The following CDK11A variants were observed in gnomAD, a reference collection of about 807,000 sequenced individuals.
CDK11A encodes cyclin-dependent kinase 11A.
Under a neutral mutation model 83.6 loss-of-function variants are expected in CDK11A, and 55 were observed. The observed-to-expected ratio is 0.66, with a 90% confidence interval of 0.53 to 0.82. The LOEUF (loss-of-function observed/expected upper bound fraction) is 0.82, where lower values mean the gene tolerates loss of function less well. Among genes scored for constraint, CDK11A ranks in the 40% least tolerant of loss-of-function variants. The pLI, the probability that CDK11A is intolerant of heterozygous loss-of-function variation, is 0.00. For synonymous variants in CDK11A, 247 were observed against 302.7 expected (o/e 0.82, Z 1.91); for missense variants, 564 against 810.1 (o/e 0.70, Z 3.69).
In CDK11A at chr1:1,719,327, C is replaced by T. The variant is rs748202839; in HGVS notation, c.355+1G>A. Reference sequence around the variant, plus strand: ...GTCAAAGAAAGTAAATGCTTCTGTACCCCCTTCTGCTGAATGGCTATGATG... The same window carrying T: ...GTCAAAGAAAGTAAATGCTTCTGTATCCCCTTCTGCTGAATGGCTATGATG... On this transcript the variant is annotated splice_donor_variant, in intron 4 of 19. Coordinates refer to ENST00000404249, the MANE Select transcript of CDK11A (RefSeq NM_024011.4). LOFTEE classifies it high-confidence loss of function. 2.0e-6 allele frequency: 3 copies of T among 1,512,212 alleles called. No individual in the cohort carries two copies. The highest frequency in any genetic ancestry group is 1.3e-5 in the South Asian group (1 of 76,052). 93.7% of individuals were successfully genotyped at this position (1,512,212 alleles called of 1,614,324 possible).
Position 1,704,988 on chromosome 1 carries a change from C to G in CDK11A, c.1374G>C (p.Lys458Asn). 1 of 1,598,798 alleles carries G rather than the reference C, an allele frequency of 6.3e-7. No homozygotes were observed. The highest frequency in any genetic ancestry group is 1.1e-5 in the South Asian group (1 of 89,514). ...IVALKRLKME[K>N]EKEGFPITSL... ...ACGTGATCGGGAAGCCCTCCTTCTC[C>G]TTCTCCATCTTCAGCCGCTTTAGAG... The change falls in exon 13 of 20, where the codon AAG (lysine) becomes AAC (asparagine). Residue 458 changes from lysine to asparagine, a missense_variant. Coordinates refer to ENST00000404249, the MANE Select transcript of CDK11A (RefSeq NM_024011.4).
chr1:1,718,703 A>C (rs1246746620), intron 4 of CDK11A, among the ~76,000 whole-genome samples: 1 of 145,086 alleles, frequency 6.9e-6, no homozygotes, highest in East Asian at 2.1e-4. Context: ...GTGGTGCGAT[A>C]GCGGCTCACT....
chr1:1,715,593 G>C (rs11485873), intron 5 of CDK11A, among the ~76,000 whole-genome samples: 5 of 148,924 alleles, frequency 3.4e-5, no homozygotes, highest in Admixed American at 2.7e-4. Context: ...CACACCCTTC[G>C]GCATCAACAA....
Position 1,703,834 on chromosome 1 carries a change from T to G in CDK11A, c.1901A>C (p.Lys634Thr). The change falls in exon 17 of 20, where the codon AAA becomes ACA. Residue 634 changes from lysine to threonine, a missense_variant. By Grantham distance (78) the Lys-to-Thr change is moderately conservative. This residue lies in a region of CDK11A where 361 missense variants were observed against 402.7 expected (regional missense o/e 0.90). Coordinates refer to ENST00000404249, the MANE Select transcript of CDK11A (RefSeq NM_024011.4). ...CAGGGCCAGACCCACCTTGAACACT[T>G]TGTTGATCTGATCGATTTCCGAATT... ...PGNSEIDQIN[K>T]VFKELGTPSE... The G allele has an allele frequency of 6.2e-7, 1 of 1,609,276 alleles. No individual in the cohort carries two copies. Among genetic ancestry groups the G allele is most frequent in the South Asian group, 1.1e-5 (1 of 90,626 alleles).
rs369868903 is a variant in CDK11A at position 1,718,226 on chromosome 1, T to C, written c.355+1102A>G. On this transcript the variant is annotated intron_variant, in intron 4 of 19. Coordinates refer to ENST00000404249, the MANE Select transcript of CDK11A (RefSeq NM_024011.4). ...GTATTCTCTCTATAGCCCTTCTGAA[T>C]GGTCTGTGACACACGCATGCTTTCA... Among the ~76,000 whole-genome samples the C allele has an allele frequency of 1.2e-3, 163 of 140,938 alleles. 4 individuals are homozygous for C. The South Asian group carries it at 0.018, about 16-fold the overall frequency. 92.5% of individuals were successfully genotyped at this position (140,938 alleles called of 152,430 possible). A position where few individuals can be genotyped will look rare whatever the true frequency, so the allele number is the denominator to read the frequency against.
chr1:1,704,916 A>T lies in CDK11A; in HGVS notation c.1446T>A (p.Ile482=), dbSNP rs1136999. The T allele has an allele frequency of 2.2e-5, 35 of 1,564,226 alleles. 4 individuals are homozygous for T. In the African/African-American group the frequency reaches 4.7e-4, roughly 21 times the overall value. The stretch of plus-strand genomic sequence containing the variant: ...GGGCCATGCTCACTCTAACGGTGAC[A>T]ATGTTGGGATGCTGGGCCTTGAGGA... ...NTILKAQHPN[I]VTVREIVVGS... is the part of the protein sequence containing the mutation. The change falls in exon 13 of 20, where the codon ATT becomes ATA. Residue 482 remains isoleucine (I), a synonymous_variant. Coordinates refer to ENST00000404249, the MANE Select transcript of CDK11A (RefSeq NM_024011.4).
chr1:1,719,469 CAA>C lies in CDK11A; in HGVS notation c.228-16_228-15del, dbSNP rs1193479481. Reference sequence around the variant, plus strand: ...TCTTCTTCTCCTCTGAAATAAAACACAACAGCACTGCGTCATGCTTGAGAAAG... The same window carrying C: ...TCTTCTTCTCCTCTGAAATAAAACACCAGCACTGCGTCATGCTTGAGAAAG... On this transcript the variant is annotated splice_polypyrimidine_tract_variant and intron_variant, in intron 3 of 19. Coordinates refer to ENST00000404249, the MANE Select transcript of CDK11A (RefSeq NM_024011.4). 4 of 1,473,086 alleles carry C rather than the reference CAA, an allele frequency of 2.7e-6. No homozygotes were observed. The highest frequency in any genetic ancestry group is 3.6e-6 in the Non-Finnish European group (4 of 1,112,656). The allele number at this position is 1,473,086 out of a possible 1,614,324, so 91.3% of individuals were successfully genotyped here.
chr1:1,704,670 T>C lies in CDK11A; in HGVS notation c.1459-15A>G, dbSNP rs774313592. The C allele has an allele frequency of 2.5e-6, 4 of 1,595,864 alleles. No individual in the cohort carries two copies. In the South Asian group the frequency reaches 4.5e-5, roughly 18 times the overall value. The stretch of plus-strand genomic sequence containing the variant: ...ACCACAATCTCCTGCAGGGCACGGC[T>C]CTGTGGGTGCTGGGCACCTCCAGGC... On this transcript the variant is annotated splice_polypyrimidine_tract_variant and intron_variant, in intron 13 of 19. Transcript: ENST00000404249.
chr1:1,704,606 T>G lies in CDK11A; in HGVS notation c.1508A>C (p.Tyr503Ser). Residue 503 changes from tyrosine to serine, a missense_variant, in exon 14 of 20, where the codon TAC becomes TCC. By Grantham distance (144) the Tyr-to-Ser change is moderately radical. Around this residue, in one of 5 missense-constraint regions of CDK11A, gnomAD observed 361 missense variants for 402.7 expected, o/e 0.90. Coordinates refer to ENST00000404249, the MANE Select transcript of CDK11A (RefSeq NM_024011.4). ...CAGGCTCTTGAGGTCGTGCTCCACG[T>G]AGTTCATCACGATGTAGATCTTGTC... ...NMDKIYIVMN[Y>S]VEHDLKSLME... is the part of the protein sequence containing the mutation. The G allele has an allele frequency of 6.2e-7, 1 of 1,600,180 alleles. No homozygotes were observed. The highest frequency in any genetic ancestry group is 1.7e-5 in the Admixed American group (1 of 58,690).
At chr1:1,722,179 C>G (rs924656784) in intron 2 of CDK11A, among the ~76,000 whole-genome samples, 1 of 151,016 alleles carries the variant, frequency 6.6e-6, no homozygotes, top group Non-Finnish European at 1.5e-5. Context: ...TGCTACAAAC[C>G]TTTAATTTGG....
At position 1,708,103 on chromosome 1, in the gene CDK11A, G is replaced by A. The variant is rs914508676; in HGVS notation, c.1069+77C>T. On this transcript the variant is annotated intron_variant, in intron 10 of 19. Coordinates refer to ENST00000404249, the MANE Select transcript of CDK11A (RefSeq NM_024011.4). ...CCCTGGCGTGCCCCACGCCGCGCAGGACCGGCTGTCTTAGGAGAGGGCTGC... is the reference window on the plus strand; with the variant it reads ...CCCTGGCGTGCCCCACGCCGCGCAGAACCGGCTGTCTTAGGAGAGGGCTGC... 1.1e-5 allele frequency: 18 copies of A among 1,589,510 alleles called. 1 individual carries two copies. Among genetic ancestry groups the A allele is most frequent in the South Asian group, 2.3e-5 (2 of 88,394 alleles).
chr1:1,711,973 A>G (rs1200876079), intron 6 of CDK11A, among the ~76,000 whole-genome samples: 2 of 104,004 alleles, frequency 1.9e-5, no homozygotes, highest in African/African-American at 3.0e-5. Flanking sequence ...TACTAAAAAT[A>G]TAAAAAAATA....
rs1191473300 is a variant in CDK11A at position 1,702,480 on chromosome 1, CG to C, written c.*426del. Among the ~76,000 whole-genome samples the C allele has an allele frequency of 1.7e-5, 2 of 119,648 alleles. No individual in the cohort carries two copies. Among genetic ancestry groups the C allele is most frequent in the Non-Finnish European group, 3.8e-5 (2 of 53,176 alleles). 78.5% of individuals were successfully genotyped at this position (119,648 alleles called of 152,430 possible). ...ACAGCTGGGGCTGGGGGTTGGGGGC[CG>C]GGGGCCTGTGTGGACAGGGCTGGTC... is the stretch of plus-strand genomic sequence containing the variant. On this transcript the variant is annotated 3_prime_UTR_variant, in exon 20 of 20. Coordinates refer to ENST00000404249, the MANE Select transcript of CDK11A (RefSeq NM_024011.4).
At chr1:1,720,845 C>T (rs562843406) in intron 3 of CDK11A, among the ~76,000 whole-genome samples, 1 of 151,272 alleles carries the variant, frequency 6.6e-6, no homozygotes, top group Admixed American at 6.6e-5. Flanking sequence ...GTGTACACCA[C>T]CATGCCAGGC....
rs1486354095 is a variant in CDK11A at position 1,716,911 on chromosome 1, A to G, written c.356-433T>C. ...AATATTTAAATAATGATGTTAAGTAATCCTAATCTTTTTTTTTTTTTTTTT... is the reference window on the plus strand; with the variant it reads ...AATATTTAAATAATGATGTTAAGTAGTCCTAATCTTTTTTTTTTTTTTTTT... On this transcript the variant is annotated intron_variant, in intron 4 of 19. Transcript: ENST00000404249. Among the ~76,000 whole-genome samples, 5 of 71,798 alleles carry G rather than the reference A, an allele frequency of 7.0e-5. No homozygotes were observed. In the Admixed American group the frequency reaches 7.9e-4, roughly 11 times the overall value. 47.1% of individuals were successfully genotyped at this position (71,798 alleles called of 152,430 possible).
rs1490632699 is a variant in CDK11A, at chr1:1,708,310, C to T, written c.1004-65G>A. ...GGCGAGTGCTGCCACAGGCAGGATGCGGGCTCCGCTTCAGCTAAGCAACAA... is the reference window on the plus strand; with the variant it reads ...GGCGAGTGCTGCCACAGGCAGGATGTGGGCTCCGCTTCAGCTAAGCAACAA... On this transcript the variant is annotated intron_variant, in intron 9 of 19. Coordinates refer to ENST00000404249, the MANE Select transcript of CDK11A (RefSeq NM_024011.4). 200 of 1,425,516 alleles carry T rather than the reference C, an allele frequency of 1.4e-4. 1 individual carries two copies. In the Middle Eastern group the frequency reaches 2.7e-3, roughly 19 times the overall value. The allele number at this position is 1,425,516 out of a possible 1,614,324, so 88.3% of individuals were successfully genotyped here.
In CDK11A at chr1:1,722,649, A is replaced by C. The variant is rs1644952158; in HGVS notation, c.111+59T>G. 4 of 1,349,232 alleles carry C rather than the reference A, an allele frequency of 3.0e-6. No individual in the cohort carries two copies. The Admixed American group carries it at 9.0e-5, about 31-fold the overall frequency. 83.6% of individuals were successfully genotyped at this position (1,349,232 alleles called of 1,614,324 possible). ...GAAGCGTTGTTCTAATGGAAAAATG[A>C]GGGCAAAGAAATTAAATCTCCTTTA... On this transcript the variant is annotated intron_variant, in intron 2 of 19. Coordinates refer to ENST00000404249, the MANE Select transcript of CDK11A (RefSeq NM_024011.4).
At chr1:1,712,541 A>T in intron 5 of CDK11A, 141 bp from the exon 6 acceptor site, 1 of 619,096 alleles carries the variant, frequency 1.6e-6, no homozygotes, top group Non-Finnish European at 2.6e-6. Flanking sequence ...TTTGAGACGG[A>T]GTCTTCATCT....
chr1:1,708,811 GCCTC>G lies in CDK11A; in HGVS notation c.982_985del (p.Glu328HisfsTer9). The G allele has an allele frequency of 6.5e-7, 1 of 1,541,510 alleles. No homozygotes were observed. The highest frequency in any genetic ancestry group is 8.8e-7 in the Non-Finnish European group (1 of 1,140,184). On this transcript the variant is annotated frameshift_variant, in exon 9 of 20. Coordinates refer to ENST00000404249, the MANE Select transcript of CDK11A (RefSeq NM_024011.4). LOFTEE classifies it high-confidence loss of function. Reference sequence around the variant, plus strand: ...TGCCTCACCGGCAGACTGCTCTGATGCCTCCTCAGAGTTGCTGCCGGTCTCCTCC... The same window carrying G: ...TGCCTCACCGGCAGACTGCTCTGATGCTCAGAGTTGCTGCCGGTCTCCTCC...
Sources: gnomAD v4.1 joint callset for allele counts (sites outside exome capture counted in the v4.1 genomes callset) on GRCh38, gnomAD v4.1.1 for gene constraint, gnomAD v4.1.1 regional missense constraint, MANE v1.5 for transcripts, NCBI Gene and HGNC (gene_info 2026-07-23, HGNC 2026-07-21) for gene names.